The following HS6ST2 variants were observed in gnomAD, a reference collection of about 807,000 sequenced individuals.
The protein encoded by HS6ST2 is heparan sulfate 6-O-sulfotransferase 2, also known as heparan-sulfate 6-O-sulfotransferase 2.
Under a neutral mutation model 33.0 loss-of-function variants are expected in HS6ST2, and 17 were observed. That is an observed-to-expected ratio of 0.52 (90% CI 0.35 to 0.77). The LOEUF is 0.77. Among genes scored for constraint, HS6ST2 ranks in the 30% least tolerant of loss-of-function variants. The probability of loss-of-function intolerance (pLI) is 0.01; values close to 1 mark genes in which losing one functional copy is unlikely to be tolerated. For synonymous variants in HS6ST2, 248 were observed against 237.1 expected, an observed-to-expected ratio of 1.05 and a Z score of -0.42; for missense variants, 519 against 551.7, an observed-to-expected ratio of 0.94 and a Z score of 0.59.
chrX:132,752,491 G>C (rs867082558), intron 2 of HS6ST2, among the ~76,000 whole-genome samples: 1 of 78,467 alleles, frequency 1.3e-5, no homozygotes, highest in African/African-American at 4.8e-5. Context: ...AAAAAAAAAA[G>C]AACTGACACC....
intron 4 of HS6ST2, among the ~76,000 whole-genome samples, chrX:132,639,056 T>C (rs1371950526): frequency 8.0e-5 from 9 of 112,597 alleles, no homozygotes. Flanking sequence ...TGCGATTCTT[T>C]TTCTTTAACA....
At chrX:132,695,067 T>C (rs2064092961) in intron 3 of HS6ST2, among the ~76,000 whole-genome samples, 1 of 110,751 alleles carries the variant, frequency 9.0e-6, no homozygotes, top group Non-Finnish European at 1.9e-5. Flanking sequence ...GCTGGAGATA[T>C]ATGTGGAAGC....
Position 132,687,003 on chromosome X carries a change from C to G in HS6ST2, c.981-17804G>C, listed in dbSNP as rs776147039. On this transcript the variant is annotated intron_variant, in intron 3 of 4. Coordinates refer to ENST00000370833, the MANE Select transcript of HS6ST2 (RefSeq NM_001394073.1). The stretch of plus-strand genomic sequence containing the variant: ...CTCCAATGAGCCATCTTCCTTGACC[C>G]TTCAAGCTCAGTCATAGAATGTTTA... Among the ~76,000 whole-genome samples, 6 of 112,275 alleles carry G rather than the reference C, an allele frequency of 5.3e-5. No homozygotes were observed. The South Asian group carries it at 1.9e-3, about 35-fold the overall frequency.
At chrX:132,796,850 C>T (rs1449978710) in intron 2 of HS6ST2, among the ~76,000 whole-genome samples, 1 of 112,536 alleles carries the variant, frequency 8.9e-6, no homozygotes, top group East Asian at 2.8e-4. Context: ...CCCCCTATTT[C>T]ATCACTGGGG....
intron 2 of HS6ST2, among the ~76,000 whole-genome samples, chrX:132,787,031 C>T (rs769690624): frequency 1.9e-5 from 2 of 104,738 alleles, no homozygotes; most frequent in East Asian, 3.0e-4. Flanking sequence ...ATCATTTTCA[C>T]GTCTCAAATT....
intron 4 of HS6ST2, among the ~76,000 whole-genome samples, chrX:132,647,717 T>C (rs900808996): frequency 2.7e-5 from 3 of 112,341 alleles, no homozygotes; most frequent in Non-Finnish European, 1.9e-5. Flanking sequence ...GGCTTAACCA[T>C]GGGACAGGAG....
chrX:132,878,248 C>G (rs1189105012), intron 2 of HS6ST2, among the ~76,000 whole-genome samples: 2 of 111,927 alleles, frequency 1.8e-5, no homozygotes, highest in Non-Finnish European at 3.8e-5. Context: ...CAATTGAATA[C>G]CAGGGCCACC....
At chrX:132,927,078 G>A (rs1472829551) in intron 2 of HS6ST2, among the ~76,000 whole-genome samples, 1 of 111,423 alleles carries the variant, frequency 9.0e-6, no homozygotes, top group African/African-American at 3.3e-5. Flanking sequence ...CTCTCCCACT[G>A]CCCTGCTTAT....
intron 4 of HS6ST2, among the ~76,000 whole-genome samples, chrX:132,648,119 G>T (rs1183177113): frequency 8.9e-6 from 1 of 112,194 alleles, no homozygotes. Context: ...TTTGCATAGG[G>T]TTGCATGCAG....
chrX:132,703,891 T>C lies in HS6ST2; in HGVS notation c.980+4571A>G, dbSNP rs776271705. Among the ~76,000 whole-genome samples, 131 of 112,062 alleles carry C rather than the reference T, an allele frequency of 1.2e-3. 1 individual carries two copies. The highest frequency in any genetic ancestry group is 4.7e-3 in the Middle Eastern group (1 of 214). On this transcript the variant is annotated intron_variant, in intron 3 of 4. Coordinates refer to ENST00000370833, the MANE Select transcript of HS6ST2 (RefSeq NM_001394073.1). ...TGAACAATTTGTGACATGTTGCAGATATTTCTAAACTAAATTAAATTGTCA... is the reference window on the plus strand; with the variant it reads ...TGAACAATTTGTGACATGTTGCAGACATTTCTAAACTAAATTAAATTGTCA...
intron 2 of HS6ST2, among the ~76,000 whole-genome samples, chrX:132,776,345 T>C (rs1283270022): frequency 1.8e-5 from 2 of 111,877 alleles, no homozygotes; most frequent in East Asian, 5.6e-4. Context: ...AACAAGACAA[T>C]TACTTTCAAA....
chrX:132,702,916 T>G (rs898692658), intron 3 of HS6ST2, among the ~76,000 whole-genome samples: 2 of 111,927 alleles, frequency 1.8e-5, no homozygotes, highest in Admixed American at 1.9e-4. Context: ...AGATACATAT[T>G]GAATGAATAA....
At chrX:132,944,526 A>G (rs2066923501) in intron 2 of HS6ST2, among the ~76,000 whole-genome samples, 3 of 111,979 alleles carry the variant, frequency 2.7e-5, no homozygotes, top group Non-Finnish European at 1.9e-5. Flanking sequence ...ATGGAACCAA[A>G]AAAGAGCTCA....
rs141824830 is a variant in HS6ST2, at chrX:132,689,418, C to A, written c.980+19044G>T. 7.2e-3 allele frequency among the ~76,000 whole-genome samples: 805 copies of A among 111,352 alleles called. 5 individuals are homozygous for A. Among genetic ancestry groups the A allele is most frequent in the African/African-American group, 0.025 (763 of 30,641 alleles). On this transcript the variant is annotated intron_variant, in intron 3 of 4. Transcript: ENST00000370833. The stretch of plus-strand genomic sequence containing the variant: ...CATTCAGGCTTTAACTACAGCTAAT[C>A]GATACAAAAGTGTCCTCAAACAGTC...
intron 2 of HS6ST2, among the ~76,000 whole-genome samples, chrX:132,787,660 C>T (rs1452812177): frequency 9.4e-6 from 1 of 106,329 alleles, no homozygotes; most frequent in Non-Finnish European, 1.9e-5. Context: ...GAGGCCGAGG[C>T]AGGTGGATCA....
At chrX:132,637,926 ATAT>A (rs2063573279) in intron 4 of HS6ST2, among the ~76,000 whole-genome samples, 1 of 53,200 alleles carries the variant, frequency 1.9e-5, no homozygotes, top group Admixed American at 2.9e-4. Flanking sequence ...TTTTATATAT[ATAT>A]TATATATAAT....
intron 2 of HS6ST2, among the ~76,000 whole-genome samples, chrX:132,926,917 C>T (rs191672167): frequency 4.5e-5 from 5 of 110,718 alleles, no homozygotes; most frequent in East Asian, 2.9e-4. Context: ...AGGGGGACTC[C>T]GTCTCAAAAA....
intron 2 of HS6ST2, among the ~76,000 whole-genome samples, chrX:132,869,644 A>G (rs137924357): frequency 8.9e-6 from 1 of 112,198 alleles, no homozygotes; most frequent in Non-Finnish European, 1.9e-5. Flanking sequence ...TCCATCACAA[A>G]AAGAGAACCA....
chrX:132,661,590 T>C (rs960072463), intron 4 of HS6ST2, among the ~76,000 whole-genome samples: 6 of 112,209 alleles, frequency 5.3e-5, no homozygotes, highest in African/African-American at 1.9e-4. Context: ...GGTAACTCAA[T>C]ATTGTTAAGA....
Sources: allele counts gnomAD v4.1 joint callset (sites outside exome capture counted in the v4.1 genomes callset), GRCh38; gene constraint gnomAD v4.1.1; transcripts MANE v1.5; gene names NCBI Gene and HGNC (gene_info 2026-07-23, HGNC 2026-07-21).